HADHA: variants seen among roughly 807,000 people sequenced by gnomAD.
HADHA encodes the protein trifunctional enzyme subunit alpha, mitochondrial.
HADHA carries 59 observed loss-of-function variants against 91.3 expected under a neutral mutation model. The ratio of observed to expected loss-of-function variants is 0.65; its 90% CI spans 0.52 to 0.80. The LOEUF is 0.80. Among genes scored for constraint, HADHA ranks in the 30% least tolerant of loss-of-function variants. HADHA has a pLI of 0.00. For synonymous variants in HADHA, 320 were observed against 338.9 expected (o/e 0.94, Z 0.61); for missense variants, 800 against 927.6 (o/e 0.86, Z 1.79).
chr2:26,193,588 T>C lies in HADHA; in HGVS notation c.1874A>G (p.Lys625Arg). ...TTGAGGCTACTCACCTAGGAAGCCC[T>C]TGGACACCATCTGTGTCAGCAGTTC... Reference protein sequence around the residue: ...NPELLTQMVSKGFLGRKSGKG... With the variant: ...NPELLTQMVSRGFLGRKSGKG... Residue 625 changes from lysine to arginine, a missense_variant, in exon 17 of 20, where the codon AAG becomes AGG. Lys to Arg is a conservative substitution (Grantham distance 26). Coordinates refer to ENST00000380649, the MANE Select transcript of HADHA (RefSeq NM_000182.5). 1 of 1,613,264 alleles carries C rather than the reference T, an allele frequency of 6.2e-7. No individual in the cohort carries two copies. Among genetic ancestry groups the C allele is most frequent in the South Asian group, 1.1e-5 (1 of 91,062 alleles).
intron 12 of HADHA, among the ~76,000 whole-genome samples, chr2:26,202,990 T>G (rs781681205): frequency 6.6e-6 from 1 of 152,222 alleles, no homozygotes; most frequent in Non-Finnish European, 1.5e-5. Flanking sequence ...CAGGACACTA[T>G]TCAAGAGAGA....
Position 26,234,375 on chromosome 2 carries a change from A to G in HADHA, c.315-20T>C. 1 of 1,606,250 alleles carries G rather than the reference A, an allele frequency of 6.2e-7. No homozygotes were observed. ...AACATGCTGCATTATCCATAAAAGTAGAGAACAGAGAAAAAGATAAAACTA... is the reference window on the plus strand; with the variant it reads ...AACATGCTGCATTATCCATAAAAGTGGAGAACAGAGAAAAAGATAAAACTA... On this transcript the variant is annotated intron_variant, in intron 4 of 19. Coordinates refer to ENST00000380649, the MANE Select transcript of HADHA (RefSeq NM_000182.5).
rs1358111229 is a variant in HADHA, at chr2:26,221,888, G to A, written c.677-6713C>T. 6.6e-6 allele frequency among the ~76,000 whole-genome samples: 1 copy of A among 152,188 alleles called. No homozygotes were observed. The highest frequency in any genetic ancestry group is 1.5e-5 in the Non-Finnish European group (1 of 68,034). ...TTCATTTTGTCTAGAAAGAAAAATGGCCTGAGCTAAGGGTCTACTCTGATT... is the reference window on the plus strand; with the variant it reads ...TTCATTTTGTCTAGAAAGAAAAATGACCTGAGCTAAGGGTCTACTCTGATT... On this transcript the variant is annotated intron_variant, in intron 7 of 19. Transcript: ENST00000380649. This position sits in a 1 kb window ranked among gnomAD's most constrained non-coding sequence, Gnocchi z 4.8.
At chr2:26,198,398 CAG>C (rs1353341416) in intron 13 of HADHA, among the ~76,000 whole-genome samples, 5 of 147,142 alleles carry the variant, frequency 3.4e-5, no homozygotes, top group Non-Finnish European at 6.0e-5. Context: ...TTTTTAAAGA[CAG>C]AGTCTCGCTC....
intron 7 of HADHA, among the ~76,000 whole-genome samples, chr2:26,222,886 T>C (rs1472812211): frequency 1.3e-5 from 2 of 152,190 alleles, no homozygotes; most frequent in Admixed American, 6.5e-5. Flanking sequence ...TGGCAGTATT[T>C]TGCAGAGTCA....
chr2:26,244,452 G>A (rs766834420), intron 1 of HADHA, 78 bp downstream of exon 1: 600 of 1,418,022 alleles, frequency 4.2e-4, no homozygotes, highest in Non-Finnish European at 5.6e-4. Context: ...CAGCGAAAGG[G>A]AGACGCGGCT....
intron 13 of HADHA, among the ~76,000 whole-genome samples, chr2:26,200,227 C>G (rs1206700030): frequency 6.6e-6 from 1 of 152,078 alleles, no homozygotes; most frequent in African/African-American, 2.4e-5. Flanking sequence ...CTCATTATAT[C>G]CAGCATGTTG....
chr2:26,243,069 T>C (rs1342192229), intron 1 of HADHA: 1 of 152,240 alleles, frequency 6.6e-6, no homozygotes, highest in Non-Finnish European at 1.5e-5. Flanking sequence ...GTTTATTAAT[T>C]GCTCTGTCAT....
chr2:26,221,334 G>A lies in HADHA; in HGVS notation c.677-6159C>T, dbSNP rs941152593. Among the ~76,000 whole-genome samples, 6 of 152,084 alleles carry A rather than the reference G, an allele frequency of 3.9e-5. No individual in the cohort carries two copies. The highest frequency in any genetic ancestry group is 8.8e-5 in the Non-Finnish European group (6 of 68,000). On this transcript the variant is annotated intron_variant, in intron 7 of 19. Transcript: ENST00000380649. This position sits in a 1 kb window ranked among gnomAD's most constrained non-coding sequence, Gnocchi z 4.8. ...GGTGAATCACAACACAGACCCTTAG[G>A]ATTTTAGAAAAAGCCCTACCATCCT...
chr2:26,210,407 A>ACGATCT lies in HADHA; in HGVS notation c.976-524_976-519dup, dbSNP rs1670071550. On this transcript the variant is annotated intron_variant, in intron 10 of 19. Transcript: ENST00000380649. The surrounding 1 kb of genome is among the most constrained non-coding windows in gnomAD (Gnocchi z 4.0). ...GTCACCCAGGCTGGAGTGCAGTGGC[A>ACGATCT]CGATCTCGGCTCACTGCAAGCTCCG... 1 of 165,430 alleles carries ACGATCT rather than the reference A, an allele frequency of 6.0e-6. No individual in the cohort carries two copies. Among genetic ancestry groups the ACGATCT allele is most frequent in the Non-Finnish European group, 1.3e-5 (1 of 76,276 alleles). 10.2% of individuals were successfully genotyped at this position (165,430 alleles called of 1,614,324 possible).
chr2:26,227,515 A>C (rs1670513696), intron 7 of HADHA, among the ~76,000 whole-genome samples: 1 of 151,768 alleles, frequency 6.6e-6, no homozygotes, highest in South Asian at 2.1e-4. Context: ...TTGTCTCAAA[A>C]AAAAAAAAAG....
At chr2:26,211,803 C>G (rs1368704974) in intron 10 of HADHA, 1 of 152,272 alleles carries the variant, frequency 6.6e-6, no homozygotes, top group African/African-American at 2.4e-5. Flanking sequence ...CTGGTACATA[C>G]ATCTCTTCTG....
At chr2:26,208,230 G>T (rs1670013516) in intron 11 of HADHA, among the ~76,000 whole-genome samples, 1 of 151,930 alleles carries the variant, frequency 6.6e-6, no homozygotes, top group Admixed American at 6.6e-5. Context: ...CATTGTGGTT[G>T]TTTTTTGGGG....
At chr2:26,202,833 G>C (rs922528977) in intron 12 of HADHA, among the ~76,000 whole-genome samples, 4 of 152,236 alleles carry the variant, frequency 2.6e-5, no homozygotes, top group African/African-American at 7.2e-5. Context: ...CAAGATACTT[G>C]TCAGCATTCA....
At chr2:26,201,035 G>C in intron 13 of HADHA, 114 bp downstream of exon 13, 2 of 833,026 alleles carry the variant, frequency 2.4e-6, no homozygotes, top group Non-Finnish European at 4.0e-6. Context: ...CCCAGCCTTT[G>C]AATAGTCCTT....
intron 12 of HADHA, among the ~76,000 whole-genome samples, chr2:26,202,694 T>C (rs1231399498): frequency 2.0e-5 from 3 of 152,206 alleles, no homozygotes; most frequent in Non-Finnish European, 4.4e-5. Context: ...TGAGCCAAGA[T>C]TGCACCATTG....
intron 7 of HADHA, among the ~76,000 whole-genome samples, chr2:26,218,299 C>A (rs1169707877): frequency 5.3e-4 from 77 of 146,456 alleles, no homozygotes; most frequent in African/African-American, 7.3e-4. Context: ...GACTCTGTCT[C>A]AAAAAAAAAA....
intron 1 of HADHA, among the ~76,000 whole-genome samples, chr2:26,244,170 C>G (rs1380230133): frequency 3.9e-5 from 6 of 152,220 alleles, no homozygotes; most frequent in African/African-American, 1.2e-4. Context: ...TGCTGTGGAG[C>G]CACAAAGATG....
At position 26,238,999 on chromosome 2, in the gene HADHA, T is replaced by C. The variant is rs200316069; in HGVS notation, c.115A>G (p.Thr39Ala). 2.0e-5 allele frequency: 32 copies of C among 1,602,696 alleles called. No homozygotes were observed. The highest frequency in any genetic ancestry group is 5.1e-6 in the Non-Finnish European group (6 of 1,170,032). Residue 39 changes from threonine (T) to alanine (A), a missense_variant, in exon 3 of 20, where the codon ACC becomes GCC. Thr to Ala is a moderately conservative substitution (Grantham distance 58). Coordinates refer to ENST00000380649, the MANE Select transcript of HADHA (RefSeq NM_000182.5). ...FTGSSALLTR[T>A]HINYGVKGDV... Reference sequence around the variant, plus strand: ...CCTTTGACTCCATAGTTAATATGGGTTCTGGCTAAAAAGAAAAGAAAGATT... The same window carrying C: ...CCTTTGACTCCATAGTTAATATGGGCTCTGGCTAAAAAGAAAAGAAAGATT...
Sources: gnomAD v4.1 joint callset for allele counts (sites outside exome capture counted in the v4.1 genomes callset) on GRCh38, gnomAD v4.1.1 for gene constraint, Gnocchi (gnomAD v3.1) non-coding constraint, MANE v1.5 for transcripts, NCBI Gene and HGNC (gene_info 2026-07-23, HGNC 2026-07-21) for gene names.